Variants in NKAIN2 observed in about 807,000 individuals in gnomAD.
The protein encoded by NKAIN2 is sodium/potassium-transporting ATPase subunit beta-1-interacting protein 2.
A neutral mutation model predicts 32.6 loss-of-function variants in NKAIN2; 14 were observed. The ratio of observed to expected loss-of-function variants is 0.43; its 90% confidence interval spans 0.28 to 0.67. The LOEUF (loss-of-function observed/expected upper bound fraction) is 0.67. NKAIN2 is among the 30% of genes least tolerant of loss of function. The pLI is 0.17. For missense variants in NKAIN2, 198 were observed against 258.3 expected (o/e 0.77, Z 1.60); for synonymous variants, 80 against 87.2 (o/e 0.92, Z 0.46).
intron 3 of NKAIN2, among the ~76,000 whole-genome samples, chr6:124,418,893 A>G (rs775025269): frequency 7.2e-4 from 110 of 152,024 alleles, no homozygotes; most frequent in Non-Finnish European, 1.3e-3. Context: ...TTCTCATTAC[A>G]CACAGTCTAT....
chr6:124,053,452 G>A (rs940003019), intron 1 of NKAIN2, among the ~76,000 whole-genome samples: 1 of 151,930 alleles, frequency 6.6e-6, no homozygotes, highest in Non-Finnish European at 1.5e-5. Flanking sequence ...CTTAAACCTC[G>A]GCAACAGGCT....
chr6:124,055,655 A>G (rs1582547584), intron 1 of NKAIN2, among the ~76,000 whole-genome samples: 1 of 152,026 alleles, frequency 6.6e-6, no homozygotes, highest in East Asian at 1.9e-4. Flanking sequence ...CTCTAGAATA[A>G]CACAGAACAG....
At chr6:124,616,428 CT>C (rs1782892158) in intron 3 of NKAIN2, among the ~76,000 whole-genome samples, 1 of 66,002 alleles carries the variant, frequency 1.5e-5, no homozygotes, top group Non-Finnish European at 3.1e-5. Context: ...TTTTCTTTTT[CT>C]TTTCTTTCTT....
At chr6:124,406,910 G>C (rs1033800600) in intron 3 of NKAIN2, among the ~76,000 whole-genome samples, 7 of 151,648 alleles carry the variant, frequency 4.6e-5, no homozygotes, top group African/African-American at 1.7e-4. Context: ...CAAATGCTTT[G>C]CCCAATTTTT....
chr6:124,128,218 C>G (rs952328721), intron 1 of NKAIN2, among the ~76,000 whole-genome samples: 5 of 152,168 alleles, frequency 3.3e-5, no homozygotes, highest in Non-Finnish European at 7.3e-5. Context: ...CTAAGGACAT[C>G]TGATGCTGTT....
At chr6:124,712,142 T>C (rs1369453372) in intron 4 of NKAIN2, among the ~76,000 whole-genome samples, 1 of 151,164 alleles carries the variant, frequency 6.6e-6, no homozygotes, top group Non-Finnish European at 1.5e-5. Context: ...GGGTCGGGCG[T>C]CAGGGACCCA....
At chr6:124,578,491 G>A (rs1781410164) in intron 3 of NKAIN2, among the ~76,000 whole-genome samples, 2 of 151,830 alleles carry the variant, frequency 1.3e-5, no homozygotes, top group Admixed American at 6.6e-5. Context: ...CTCTGCTTGT[G>A]GAAAAGAGAG....
In NKAIN2 at chr6:123,857,929, T is replaced by G. The variant is rs530559947; in HGVS notation, c.54+53675T>G. On this transcript the variant is annotated intron_variant, in intron 1 of 6. Transcript: ENST00000368417. ...GATTATTGGCCTGACAAGGCTAACC[T>G]CCTAAACAAAGACATATCAGATTTA... Among the ~76,000 whole-genome samples, 3 of 150,536 alleles carry G rather than the reference T, an allele frequency of 2.0e-5. No homozygotes were observed. In the East Asian group the frequency reaches 5.8e-4, roughly 29 times the overall value.
chr6:124,355,464 GA>G (rs1414572535), intron 3 of NKAIN2, 117 bp downstream of exon 3: 2 of 646,882 alleles, frequency 3.1e-6, no homozygotes, highest in Non-Finnish European at 5.6e-6. Context: ...AAAGTAAATT[GA>G]AAGGTGTCTT....
intron 1 of NKAIN2, among the ~76,000 whole-genome samples, chr6:124,128,139 AT>A (rs952742303): frequency 5.3e-5 from 8 of 152,062 alleles, no homozygotes; most frequent in Non-Finnish European, 8.8e-5. Context: ...CATGGTTGCT[AT>A]TTTATGTGTT....
chr6:124,282,637 A>G (rs1441994583), intron 1 of NKAIN2, among the ~76,000 whole-genome samples: 2 of 152,220 alleles, frequency 1.3e-5, no homozygotes, highest in Non-Finnish European at 2.9e-5. Context: ...TGACGTTTGA[A>G]CAGATCTAGC....
At chr6:124,047,495 AGAATGTTGTCATG>A (rs1186953669) in intron 1 of NKAIN2, among the ~76,000 whole-genome samples, 2 of 151,936 alleles carry the variant, frequency 1.3e-5, no homozygotes, top group Non-Finnish European at 2.9e-5. Context: ...TAATGAGGTA[AGAATGTTGTCATG>A]GACCCTACAC....
chr6:123,935,093 GA>G (rs1340667445), intron 1 of NKAIN2, among the ~76,000 whole-genome samples: 1 of 145,508 alleles, frequency 6.9e-6, no homozygotes, highest in Non-Finnish European at 1.5e-5. Context: ...GGAATATATA[GA>G]TATTTCATAT....
intron 3 of NKAIN2, among the ~76,000 whole-genome samples, chr6:124,631,506 G>C (rs149067992): frequency 1.3e-5 from 2 of 152,228 alleles, no homozygotes; most frequent in East Asian, 1.9e-4. Context: ...TGAAGGAAGA[G>C]GTTATACAGG....
At chr6:124,192,640 C>G (rs1296071492) in intron 1 of NKAIN2, among the ~76,000 whole-genome samples, 1 of 151,230 alleles carries the variant, frequency 6.6e-6, no homozygotes, top group Non-Finnish European at 1.5e-5. Flanking sequence ...TCTAATATAT[C>G]CTTACAGATT....
chr6:124,063,904 G>A (rs905716507), intron 1 of NKAIN2, among the ~76,000 whole-genome samples: 3 of 151,958 alleles, frequency 2.0e-5, no homozygotes, highest in Non-Finnish European at 4.4e-5. Context: ...GCAAATATAT[G>A]TGTAGTTATT....
At chr6:124,390,657 A>G (rs1312114225) in intron 3 of NKAIN2, 2 of 152,160 alleles carry the variant, frequency 1.3e-5, no homozygotes, top group Non-Finnish European at 2.9e-5. Context: ...GAAGATGAAC[A>G]TATGAGATCT....
intron 3 of NKAIN2, among the ~76,000 whole-genome samples, chr6:124,483,695 C>T (rs1266020491): frequency 6.6e-6 from 1 of 151,992 alleles, no homozygotes; most frequent in Non-Finnish European, 1.5e-5. Flanking sequence ...TCTTTTAAAT[C>T]TATGCAAGGA....
At chr6:124,032,805 A>G (rs1288180469) in intron 1 of NKAIN2, among the ~76,000 whole-genome samples, 2 of 152,094 alleles carry the variant, frequency 1.3e-5, no homozygotes, top group Non-Finnish European at 2.9e-5. Flanking sequence ...ATATGTATTG[A>G]TCTGTTCCTT....
Sources: gnomAD v4.1 joint callset for allele counts (sites outside exome capture counted in the v4.1 genomes callset) on GRCh38, gnomAD v4.1.1 for gene constraint, MANE v1.5 for transcripts, NCBI Gene and HGNC (gene_info 2026-07-23, HGNC 2026-07-21) for gene names.